Variants in SLF2 observed in about 807,000 individuals in gnomAD.
The protein encoded by SLF2 is SMC5/6 complex localization factor 2.
In SLF2, 68 loss-of-function variants were observed where a neutral mutation model predicts 124.3. The ratio of observed to expected loss-of-function variants is 0.55; its 90% CI spans 0.45 to 0.67. The LOEUF (loss-of-function observed/expected upper bound fraction) is 0.67, where lower values mean the gene tolerates loss of function less well. Among genes scored for constraint, SLF2 ranks in the 30% least tolerant of loss-of-function variants. The probability of loss-of-function intolerance (pLI) is 0.00; values close to 1 mark genes in which losing one functional copy is unlikely to be tolerated. For synonymous variants in SLF2, 480 were observed against 478.8 expected (o/e 1.00, Z -0.03); for missense variants, 1,246 against 1,373.7 (o/e 0.91, Z 1.47).
chr10:100,956,503 T>C lies in SLF2; in HGVS notation c.3383T>C (p.Ile1128Thr). Reference protein sequence around the residue: ...GALEKHVKCDIREDARLFYRT... With the variant: ...GALEKHVKCDTREDARLFYRT... ...TTGGAAAAGCATGTTAAATGTGATA[T>C]TAGGGAAGATGCAAGACTTTTTTAC... The change falls in exon 18 of 20, where the codon ATT becomes ACT. Residue 1128 changes from isoleucine (I) to threonine (T), a missense_variant. Around this residue, in one of 3 missense-constraint regions of SLF2, gnomAD observed 535 missense variants for 632.8 expected, o/e 0.85. Coordinates refer to ENST00000238961, the MANE Select transcript of SLF2 (RefSeq NM_018121.4). The C allele has an allele frequency of 6.2e-6, 10 of 1,613,440 alleles. No homozygotes were observed. Among genetic ancestry groups the C allele is most frequent in the Non-Finnish European group, 8.5e-6 (10 of 1,179,750 alleles).
intron 12 of SLF2, 71 bp from the exon 13 acceptor site, chr10:100,945,258 GT>G (rs1292194846): frequency 2.1e-5 from 27 of 1,274,122 alleles, no homozygotes; most frequent in Non-Finnish European, 2.8e-5. Flanking sequence ...GTCAAAAAGA[GT>G]TTATAATTAA....
In SLF2 at chr10:100,959,442, C is replaced by T. The variant is rs765606299; in HGVS notation, c.3432C>T (p.Val1144=). 1.9e-5 allele frequency: 30 copies of T among 1,607,028 alleles called. No homozygotes were observed. The highest frequency in any genetic ancestry group is 2.2e-5 in the South Asian group (2 of 89,380). ...ATATTTTTAAGGTGAAAGACTTGGTCGCCAGGATACATGGAAAATGGCAGG... is the reference window on the plus strand; with the variant it reads ...ATATTTTTAAGGTGAAAGACTTGGTTGCCAGGATACATGGAAAATGGCAGG... ...LFYRTKVKDL[V]ARIHGKWQEI... The change falls in exon 19 of 20, where the codon GTC becomes GTT. Residue 1144 remains valine, a synonymous_variant. Coordinates refer to ENST00000238961, the MANE Select transcript of SLF2 (RefSeq NM_018121.4).
At chr10:100,958,414 C>G (rs890559893) in intron 18 of SLF2, among the ~76,000 whole-genome samples, 9 of 152,248 alleles carry the variant, frequency 5.9e-5, no homozygotes, top group African/African-American at 2.2e-4. Flanking sequence ...GAAGCACATT[C>G]TTTTGAGCAT....
chr10:100,916,142 A>C (rs563345739), intron 2 of SLF2, 100 bp downstream of exon 2: 129 of 847,696 alleles, frequency 1.5e-4, no homozygotes, highest in South Asian at 2.8e-4. Context: ...TAGTAAACGT[A>C]GTGTTCAAAA....
At chr10:100,957,262 G>A (rs1431436588) in intron 18 of SLF2, among the ~76,000 whole-genome samples, 4 of 148,318 alleles carry the variant, frequency 2.7e-5, no homozygotes, top group Admixed American at 6.7e-5. Context: ...TATTCATAGA[G>A]TACAAATAGA....
chr10:100,935,119 G>C (rs1213863140), intron 9 of SLF2, among the ~76,000 whole-genome samples: 5 of 152,036 alleles, frequency 3.3e-5, no homozygotes, highest in Non-Finnish European at 7.4e-5. Flanking sequence ...TGTCAGGCGG[G>C]GCGTGATGGC....
At position 100,916,788 on chromosome 10, in the gene SLF2, T is replaced by C. The variant is rs755276859; in HGVS notation, c.403T>C (p.Cys135Arg). 2 of 1,613,766 alleles carry C rather than the reference T, an allele frequency of 1.2e-6. No homozygotes were observed. The highest frequency in any genetic ancestry group is 8.5e-7 in the Non-Finnish European group (1 of 1,179,904). Residue 135 changes from cysteine (C) to arginine (R), a missense_variant, in exon 3 of 20, where the codon TGT becomes CGT. Cys to Arg is a radical substitution (Grantham distance 180). Around this residue, in one of 3 missense-constraint regions of SLF2, gnomAD observed 698 missense variants for 708.9 expected, o/e 0.98. Coordinates refer to ENST00000238961, the MANE Select transcript of SLF2 (RefSeq NM_018121.4). The stretch of plus-strand genomic sequence containing the variant: ...TGGTATACATGAGTCACGTCGGCCT[T>C]GTCTGTCACTAGCCTCCAAATATTT... ...DHGIHESRRP[C>R]LSLASKYLAK...
In SLF2 at chr10:100,947,042, C is replaced by T; in HGVS notation, c.2938C>T (p.Pro980Ser). Residue 980 changes from proline to serine, a missense_variant, in exon 14 of 20, where the codon CCT becomes TCT. Coordinates refer to ENST00000238961, the MANE Select transcript of SLF2 (RefSeq NM_018121.4). ...KNIRDWNTKV[P>S]ELCLGINELS... The stretch of plus-strand genomic sequence containing the variant: ...CTTACATGTTCTTTTTTTTCAGGTG[C>T]CTGAACTCTGTCTGGGCATAAATGA... 2 of 1,612,208 alleles carry T rather than the reference C, an allele frequency of 1.2e-6. No individual in the cohort carries two copies. The highest frequency in any genetic ancestry group is 1.7e-6 in the Non-Finnish European group (2 of 1,178,760).
At chr10:100,913,539 G>A in intron 1 of SLF2, 2 of 1,242,668 alleles carry the variant, frequency 1.6e-6, no homozygotes, top group Non-Finnish European at 2.0e-6. Context: ...GCAAGAGTTT[G>A]ACCCGGGACC....
chr10:100,929,929 T>G lies in SLF2; in HGVS notation c.2265T>G (p.Asn755Lys). Residue 755 changes from asparagine (N) to lysine (K), a missense_variant, in exon 8 of 20, where the codon AAT (asparagine) becomes AAG (lysine). Asn to Lys is a moderately conservative substitution (Grantham distance 94, BLOSUM62 0). Around this residue, in one of 3 missense-constraint regions of SLF2, gnomAD observed 535 missense variants for 632.8 expected, o/e 0.85. Transcript: ENST00000238961. Reference sequence around the variant, plus strand: ...TCCTCAATTCTGGAAAAATTTTCAATCAGTATACCTTGGATTTAAGAGACT... The same window carrying G: ...TCCTCAATTCTGGAAAAATTTTCAAGCAGTATACCTTGGATTTAAGAGACT... ...FNFLNSGKIFNQYTLDLRDSG... is the reference protein window; with the variant it reads ...FNFLNSGKIFKQYTLDLRDSG... 4 of 1,600,542 alleles carry G rather than the reference T, an allele frequency of 2.5e-6. No individual in the cohort carries two copies. Among genetic ancestry groups the G allele is most frequent in the Non-Finnish European group, 3.4e-6 (4 of 1,174,902 alleles).
intron 17 of SLF2, among the ~76,000 whole-genome samples, chr10:100,955,375 G>C (rs182612925): frequency 1.9e-4 from 29 of 152,238 alleles, no homozygotes; most frequent in African/African-American, 6.3e-4. Context: ...ACAAATGTTA[G>C]CTCTGTTTGT....
chr10:100,917,052 T>C lies in SLF2; in HGVS notation c.667T>C (p.Ser223Pro). 1 of 1,614,170 alleles carries C rather than the reference T, an allele frequency of 6.2e-7. No homozygotes were observed. Among genetic ancestry groups the C allele is most frequent in the Non-Finnish European group, 8.5e-7 (1 of 1,180,036 alleles). ...AAGCCTTAGCAGCAGGAGCAGCCTG[T>C]CCAGGCACCACCCGGAAGAAAGCCC... ...SRSLSSRSSL[S>P]RHHPEESPLG... Residue 223 changes from serine to proline, a missense_variant, in exon 3 of 20, where the codon TCC becomes CCC. By Grantham distance (74) the Ser-to-Pro change is moderately conservative. Transcript: ENST00000238961.
At chr10:100,937,535 G>C in intron 10 of SLF2, 58 bp downstream of exon 10, 1 of 989,636 alleles carries the variant, frequency 1.0e-6, no homozygotes, top group Non-Finnish European at 1.6e-6. Flanking sequence ...TATTTACATG[G>C]TATCTTTCAC....
At position 100,929,953 on chromosome 10, in the gene SLF2, C is replaced by T; in HGVS notation, c.2289C>T (p.Asp763=). 2 of 1,560,298 alleles carry T rather than the reference C, an allele frequency of 1.3e-6. No individual in the cohort carries two copies. The highest frequency in any genetic ancestry group is 1.7e-6 in the Non-Finnish European group (2 of 1,156,314). ...IFNQYTLDLR[D]SGFIGQSAVE... is the part of the protein sequence containing the mutation. ...ATCAGTATACCTTGGATTTAAGAGACTCTGGTTTTATTGGACAAAGTGCTG... is the reference window on the plus strand; with the variant it reads ...ATCAGTATACCTTGGATTTAAGAGATTCTGGTTTTATTGGACAAAGTGCTG... The change falls in exon 8 of 20, where the codon GAC becomes GAT. Residue 763 remains aspartate (D), a synonymous_variant. Coordinates refer to ENST00000238961, the MANE Select transcript of SLF2 (RefSeq NM_018121.4).
rs890669813 is a variant in SLF2 at position 100,913,511 on chromosome 10, A to G, written c.140+261A>G. The G allele has an allele frequency of 5.6e-6, 7 of 1,251,968 alleles. No homozygotes were observed. In the African/African-American group the frequency reaches 1.1e-4, roughly 19 times the overall value. The allele number at this position is 1,251,968 out of a possible 1,614,324, so 77.6% of individuals were successfully genotyped here. On this transcript the variant is annotated intron_variant, in intron 1 of 19. Transcript: ENST00000238961. ...GGAGAACCCGCCTTAGGTAGAAAGA[A>G]AGTGATTTTTTTCCTTTGCAAGAGT...
At chr10:100,951,479 A>G (rs1420584950) in intron 17 of SLF2, among the ~76,000 whole-genome samples, 2 of 152,122 alleles carry the variant, frequency 1.3e-5, no homozygotes, top group African/African-American at 4.8e-5. Context: ...TTTACATAGC[A>G]TTTTCACTTA....
At chr10:100,959,520 A>T in intron 19 of SLF2, 24 bp downstream of exon 19, 3 of 1,611,156 alleles carry the variant, frequency 1.9e-6, no homozygotes, top group Middle Eastern at 1.7e-4. Flanking sequence ...ATACAATTTC[A>T]TGTATTCTTA....
chr10:100,913,658 C>A, intron 1 of SLF2: 8 of 1,025,072 alleles, frequency 7.8e-6, no homozygotes, highest in Non-Finnish European at 9.3e-6. Context: ...AATTATGTAA[C>A]CTGTGATGAG....
At chr10:100,941,490 G>T (rs1400780576) in intron 11 of SLF2, among the ~76,000 whole-genome samples, 1 of 151,992 alleles carries the variant, frequency 6.6e-6, no homozygotes, top group Non-Finnish European at 1.5e-5. Context: ...GTCTAATTCA[G>T]ATTCTCTTTT....
Sources: allele counts gnomAD v4.1 joint callset (sites outside exome capture counted in the v4.1 genomes callset), GRCh38; gene constraint gnomAD v4.1.1; regional missense constraint gnomAD v4.1.1; transcripts MANE v1.5; gene names NCBI Gene and HGNC (gene_info 2026-07-23, HGNC 2026-07-21).